KCNH7: variants seen among roughly 807,000 people sequenced by gnomAD.
KCNH7 encodes voltage-gated inwardly rectifying potassium channel KCNH7.
A neutral mutation model predicts 120.8 loss-of-function variants in KCNH7; 49 were observed. That is an observed-to-expected ratio of 0.41 (90% CI 0.32 to 0.51). The LOEUF (loss-of-function observed/expected upper bound fraction) is 0.51. KCNH7 is among the 20% of genes least tolerant of loss of function. The pLI, the probability that KCNH7 is intolerant of heterozygous loss-of-function variation, is 0.38. For missense variants in KCNH7, 1,097 were observed against 1,446.6 expected, an observed-to-expected ratio of 0.76 and a Z score of 3.92; for synonymous variants, 547 against 516.1, an observed-to-expected ratio of 1.06 and a Z score of -0.81.
chr2:162,616,190 G>T (rs889386110), intron 2 of KCNH7, among the ~76,000 whole-genome samples: 5 of 151,972 alleles, frequency 3.3e-5, no homozygotes, highest in African/African-American at 9.7e-5. Context: ...ATGACTCACG[G>T]GATAAAAGAG....
chr2:162,774,791 C>T (rs377104345), intron 2 of KCNH7, among the ~76,000 whole-genome samples: 14 of 152,036 alleles, frequency 9.2e-5, no homozygotes, highest in African/African-American at 3.1e-4. Flanking sequence ...TGGTGTCTTT[C>T]GAGTCTCCTT....
intron 2 of KCNH7, among the ~76,000 whole-genome samples, chr2:162,694,091 T>C (rs933993977): frequency 2.6e-5 from 4 of 152,202 alleles, no homozygotes; most frequent in Admixed American, 6.5e-5. Flanking sequence ...TTTAATGATA[T>C]GTATTCTCAT....
intron 6 of KCNH7, among the ~76,000 whole-genome samples, chr2:162,450,315 C>A (rs2105569362): frequency 6.6e-6 from 1 of 152,150 alleles, no homozygotes. Flanking sequence ...TGACACAGAA[C>A]CACTGCAATT....
At chr2:162,683,450 T>G (rs1685782336) in intron 2 of KCNH7, among the ~76,000 whole-genome samples, 1 of 151,932 alleles carries the variant, frequency 6.6e-6, no homozygotes, top group African/African-American at 2.4e-5. Flanking sequence ...TTCCTTACTT[T>G]TGAAATGAAG....
chr2:162,709,635 C>T (rs1167656763), intron 2 of KCNH7, among the ~76,000 whole-genome samples: 2 of 152,048 alleles, frequency 1.3e-5, no homozygotes, highest in Non-Finnish European at 2.9e-5. Flanking sequence ...TAAAATTTTA[C>T]TCCAACCAAA....
intron 3 of KCNH7, among the ~76,000 whole-genome samples, chr2:162,525,785 T>C (rs1355899623): frequency 6.6e-5 from 10 of 151,926 alleles, no homozygotes; most frequent in Non-Finnish European, 1.5e-4. Flanking sequence ...AGACACCAAT[T>C]ACCCAAATGC....
At chr2:162,683,171 T>A (rs188666605) in intron 2 of KCNH7, among the ~76,000 whole-genome samples, 30 of 151,786 alleles carry the variant, frequency 2.0e-4, no homozygotes, top group African/African-American at 6.7e-4. Context: ...TGATGTCTAT[T>A]TATTTGCTTA....
chr2:162,478,315 A>T (rs967530991), intron 6 of KCNH7, among the ~76,000 whole-genome samples: 7 of 152,078 alleles, frequency 4.6e-5, no homozygotes, highest in African/African-American at 1.7e-4. Flanking sequence ...AGTACCATAG[A>T]CTGTTACAGG....
chr2:162,553,674 G>GAAAA (rs1692760675), intron 2 of KCNH7, among the ~76,000 whole-genome samples: 1 of 151,760 alleles, frequency 6.6e-6, no homozygotes, highest in Admixed American at 6.6e-5. Flanking sequence ...GAAAAGAAAA[G>GAAAA]AAAAAAATGT....
At chr2:162,626,959 T>G (rs1188588734) in intron 2 of KCNH7, among the ~76,000 whole-genome samples, 1 of 152,200 alleles carries the variant, frequency 6.6e-6, no homozygotes, top group Non-Finnish European at 1.5e-5. Flanking sequence ...AAAAACATGT[T>G]GTCACTGAGT....
intron 2 of KCNH7, among the ~76,000 whole-genome samples, chr2:162,705,851 AT>A (rs1686680752): frequency 6.6e-6 from 1 of 152,186 alleles, no homozygotes; most frequent in African/African-American, 2.4e-5. Context: ...GACCAAAAAA[AT>A]GACTTAAAAA....
At chr2:162,503,555 C>A (rs1690761944) in intron 6 of KCNH7, among the ~76,000 whole-genome samples, 1 of 151,972 alleles carries the variant, frequency 6.6e-6, no homozygotes, top group Non-Finnish European at 1.5e-5. Context: ...TTTCAGCTCA[C>A]ACATAAGAGG....
rs1686930844 is a variant in KCNH7, at chr2:162,396,988, A to G, written c.2408-43T>C. On this transcript the variant is annotated intron_variant, in intron 10 of 15. Coordinates refer to ENST00000332142, the MANE Select transcript of KCNH7 (RefSeq NM_033272.4). ...AAAAGAGGCGGGGAAAGGGAATCCA[A>G]ACTCAATGTTCTCCTTCTAAAAGTA... The G allele has an allele frequency of 3.0e-6, 4 of 1,322,928 alleles. No homozygotes were observed. The East Asian group carries it at 9.5e-5, about 31-fold the overall frequency. The allele number at this position is 1,322,928 out of a possible 1,614,324, so 81.9% of individuals were successfully genotyped here.
chr2:162,673,006 A>G (rs1435334648), intron 2 of KCNH7, among the ~76,000 whole-genome samples: 1 of 152,032 alleles, frequency 6.6e-6, no homozygotes, highest in African/African-American at 2.4e-5. Context: ...TGATTTAAGA[A>G]TAAATGGAGG....
At chr2:162,810,438 A>G (rs1239165381) in intron 2 of KCNH7, among the ~76,000 whole-genome samples, 1 of 152,218 alleles carries the variant, frequency 6.6e-6, no homozygotes, top group Non-Finnish European at 1.5e-5. Flanking sequence ...TTGGCATCAC[A>G]TCATAGGATA....
intron 2 of KCNH7, among the ~76,000 whole-genome samples, chr2:162,540,855 T>C (rs757252613): frequency 7.2e-5 from 11 of 152,100 alleles, no homozygotes; most frequent in East Asian, 1.9e-4. Context: ...GGGAGACCAG[T>C]TGGGAAAATA....
At chr2:162,377,381 A>T (rs1428105103) in intron 14 of KCNH7, among the ~76,000 whole-genome samples, 1 of 152,180 alleles carries the variant, frequency 6.6e-6, no homozygotes, top group Non-Finnish European at 1.5e-5. Context: ...AAAGGAAAAG[A>T]TATTTATATG....
At chr2:162,527,034 G>A (rs966093374) in intron 3 of KCNH7, among the ~76,000 whole-genome samples, 6 of 151,896 alleles carry the variant, frequency 4.0e-5, no homozygotes, top group Admixed American at 2.0e-4. Context: ...CGGTCCCTCC[G>A]TTCGGGGTCC....
Position 162,371,934 on chromosome 2 carries a change from G to T in KCNH7, c.3486C>A (p.Tyr1162Ter), listed in dbSNP as rs748046524. Reference sequence around the variant, plus strand: ...AAGAAGGATGCCTAATTGGATGAACGTAAGTTTTTCTTTGCCGCAGGTGAA... The same window carrying T: ...AAGAAGGATGCCTAATTGGATGAACTTAAGTTTTTCTTTGCCGCAGGTGAA... ...LELHLRQRKT[Y>*]VHPIRHPSLP... is the part of the protein sequence containing the mutation. The change falls in exon 16 of 16, where the codon TAC becomes TAA. Residue 1162 changes from tyrosine to a stop codon, truncating the protein, a stop_gained. Transcript: ENST00000332142. LOFTEE classifies it high-confidence loss of function. 15 of 1,613,706 alleles carry T rather than the reference G, an allele frequency of 9.3e-6. No individual in the cohort carries two copies. Among genetic ancestry groups the T allele is most frequent in the African/African-American group, 1.3e-5 (1 of 74,898 alleles).
Sources: allele counts gnomAD v4.1 joint callset (sites outside exome capture counted in the v4.1 genomes callset), GRCh38; gene constraint gnomAD v4.1.1; transcripts MANE v1.5; gene names NCBI Gene and HGNC (gene_info 2026-07-23, HGNC 2026-07-21).